The following MTOR variants were observed in gnomAD, a reference collection of about 807,000 sequenced individuals.
MTOR encodes mechanistic target of rapamycin kinase.
In MTOR, 70 loss-of-function variants were observed where a neutral mutation model predicts 319.8. That is an observed-to-expected ratio of 0.22 (90% confidence interval 0.18 to 0.27). The LOEUF is 0.27. Among genes scored for constraint, MTOR ranks in the 10% least tolerant of loss-of-function variants. The pLI is 1.00. For synonymous variants in MTOR, 1,183 were observed against 1,211.4 expected, an observed-to-expected ratio of 0.98 and a Z score of 0.49; for missense variants, 1,890 against 3,274.4, an observed-to-expected ratio of 0.58 and a Z score of 10.32.
At chr1:11,250,038 G>A (rs1271148344) in intron 6 of MTOR, among the ~76,000 whole-genome samples, 31 of 140,724 alleles carry the variant, frequency 2.2e-4, no homozygotes, top group African/African-American at 7.7e-4. Context: ...GTGGCTGGCC[G>A]GGCGGGGGGC....
chr1:11,191,939 C>T (rs564038756), intron 28 of MTOR, among the ~76,000 whole-genome samples: 15 of 152,274 alleles, frequency 9.9e-5, no homozygotes, highest in African/African-American at 2.9e-4. Flanking sequence ...GTATCTGTTA[C>T]GTGGCCCTCA....
intron 16 of MTOR, among the ~76,000 whole-genome samples, chr1:11,231,924 T>C (rs1458647560): frequency 6.6e-6 from 1 of 152,108 alleles, no homozygotes; most frequent in Non-Finnish European, 1.5e-5. Context: ...AGTCTCATCA[T>C]GCCCAGGTTG....
At chr1:11,220,556 A>G (rs72856951) in intron 19 of MTOR, among the ~76,000 whole-genome samples, 8,955 of 152,262 alleles carry the variant, frequency 0.059, 371 homozygotes, top group South Asian at 0.12. Context: ...GTGATGAGAC[A>G]TGAAATATGT....
intron 1 of MTOR, among the ~76,000 whole-genome samples, chr1:11,261,891 G>A (rs1046306755): frequency 3.9e-5 from 6 of 152,130 alleles, no homozygotes; most frequent in African/African-American, 1.4e-4. Context: ...GCTCCAGACT[G>A]AATTCAATTA....
At position 11,238,511 on chromosome 1, in the gene MTOR, T is replaced by C. The variant is rs1393562492; in HGVS notation, c.1893A>G (p.Thr631=). The change falls in exon 12 of 58, where the codon ACA becomes ACG. Residue 631 remains threonine (T), a synonymous_variant. Coordinates refer to ENST00000361445, the MANE Select transcript of MTOR (RefSeq NM_004958.4). The part of the protein sequence containing the change: ...EAARTCSRLL[T]PSIHLISGHA... ...GGCCACTGATGAGGTGGATGGAGGG[T>C]GTGAGCAGGCGGGAGCAGGTGCGGG... The C allele has an allele frequency of 2.5e-6, 4 of 1,614,076 alleles. No homozygotes were observed. In the East Asian group the frequency reaches 8.9e-5, roughly 36 times the overall value.
At chr1:11,262,411 G>T (rs1231377495) in intron 1 of MTOR, 34 bp downstream of exon 1, 1 of 152,394 alleles carries the variant, frequency 6.6e-6, no homozygotes, top group African/African-American at 2.4e-5. Context: ...ACATTACGCC[G>T]CCCTAGAGGG....
chr1:11,147,582 T>C (rs1643977458), intron 31 of MTOR, among the ~76,000 whole-genome samples: 1 of 152,254 alleles, frequency 6.6e-6, no homozygotes, highest in Non-Finnish European at 1.5e-5. Context: ...CCATTCTCTA[T>C]GCCTCTGGGC....
At chr1:11,205,285 A>G (rs1646102070) in intron 25 of MTOR, among the ~76,000 whole-genome samples, 1 of 152,216 alleles carries the variant, frequency 6.6e-6, no homozygotes, top group South Asian at 2.1e-4. Context: ...CAGCTTATTC[A>G]GGTGGGTGGA....
chr1:11,221,155 C>T lies in MTOR; in HGVS notation c.3031-4921G>A, dbSNP rs577912766. ...GACTACAGGCATGCACCACCATGCCCGGCTAATCTTTGTATTTTTAGTAGA... is the reference window on the plus strand; with the variant it reads ...GACTACAGGCATGCACCACCATGCCTGGCTAATCTTTGTATTTTTAGTAGA... On this transcript the variant is annotated intron_variant, in intron 19 of 57. Coordinates refer to ENST00000361445, the MANE Select transcript of MTOR (RefSeq NM_004958.4). 6.6e-5 allele frequency among the ~76,000 whole-genome samples: 10 copies of T among 152,034 alleles called. No individual in the cohort carries two copies. In the South Asian group the frequency reaches 1.5e-3, roughly 22 times the overall value.
chr1:11,243,358 A>G (rs1389816040), intron 8 of MTOR, 58 bp from the exon 9 acceptor site: 1 of 1,512,106 alleles, frequency 6.6e-7, no homozygotes, highest in Non-Finnish European at 9.0e-7. Flanking sequence ...TCTACATATC[A>G]ACAGTCAAAG....
At chr1:11,211,346 C>T (rs1646305375) in intron 23 of MTOR, among the ~76,000 whole-genome samples, 2 of 152,206 alleles carry the variant, frequency 1.3e-5, no homozygotes, top group African/African-American at 4.8e-5. Flanking sequence ...GACTGCTGGG[C>T]TCCACAGCTA....
chr1:11,216,074 A>G (rs1273374436), intron 20 of MTOR, 74 bp downstream of exon 20: 8 of 1,046,036 alleles, frequency 7.6e-6, no homozygotes, highest in African/African-American at 1.6e-5. Context: ...AAAAAAGTCT[A>G]TGTCATTCAA....
intron 31 of MTOR, among the ~76,000 whole-genome samples, chr1:11,149,031 G>A (rs1295699205): frequency 1.3e-5 from 2 of 152,108 alleles, no homozygotes; most frequent in Non-Finnish European, 2.9e-5. Flanking sequence ...CTCACAGAGT[G>A]CTGGGATTAC....
chr1:11,257,808 A>G (rs1283560398), intron 3 of MTOR, among the ~76,000 whole-genome samples: 1 of 152,068 alleles, frequency 6.6e-6, no homozygotes, highest in Non-Finnish European at 1.5e-5. Context: ...CAGTCCTTAG[A>G]AGTTAAAAAT....
chr1:11,174,399 C>T (rs1644920327), intron 28 of MTOR, among the ~76,000 whole-genome samples: 1 of 152,182 alleles, frequency 6.6e-6, no homozygotes, highest in South Asian at 2.1e-4. Flanking sequence ...CTCTTACTCC[C>T]AAGCTCCCAT....
intron 31 of MTOR, chr1:11,149,202 T>G (rs1644050889): frequency 6.6e-6 from 1 of 152,224 alleles, no homozygotes; most frequent in Non-Finnish European, 1.5e-5. Flanking sequence ...CCAAAGAGAT[T>G]GGTTCTTTGA....
intron 20 of MTOR, among the ~76,000 whole-genome samples, chr1:11,215,782 C>T (rs796121334): frequency 8.5e-5 from 13 of 152,136 alleles, no homozygotes; most frequent in Non-Finnish European, 1.6e-4. Context: ...CTAAGAAAAC[C>T]CAATCCCTTC....
At position 11,115,438 on chromosome 1, in the gene MTOR, C is replaced by CA; in HGVS notation, c.7046dup (p.Ser2350GlufsTer8). The stretch of plus-strand genomic sequence containing the variant: ...AGTCAATGTGCAGGATCTTCCCACT[C>CA]AGACGGTCCAGCATCAGGTTGGATG... On this transcript the variant is annotated frameshift_variant, in exon 51 of 58. Coordinates refer to ENST00000361445, the MANE Select transcript of MTOR (RefSeq NM_004958.4). LOFTEE classifies it high-confidence loss of function. This position sits in a 1 kb window ranked among gnomAD's most constrained non-coding sequence, Gnocchi z 4.5. 1 of 1,614,218 alleles carries CA rather than the reference C, an allele frequency of 6.2e-7. No homozygotes were observed. Among genetic ancestry groups the CA allele is most frequent in the Non-Finnish European group, 8.5e-7 (1 of 1,180,044 alleles).
chr1:11,172,804 G>C (rs1644863398), intron 28 of MTOR, among the ~76,000 whole-genome samples: 1 of 150,874 alleles, frequency 6.6e-6, no homozygotes, highest in Admixed American at 6.6e-5. Flanking sequence ...AGGAGGTGGA[G>C]GTTGCTGAGA....
Sources: allele counts gnomAD v4.1 joint callset (sites outside exome capture counted in the v4.1 genomes callset), GRCh38; gene constraint gnomAD v4.1.1; non-coding constraint Gnocchi (gnomAD v3.1); transcripts MANE v1.5; gene names NCBI Gene and HGNC (gene_info 2026-07-23, HGNC 2026-07-21).